The following KALRN variants were observed in gnomAD, a reference collection of about 807,000 sequenced individuals.
KALRN encodes the protein kalirin.
In KALRN, 70 loss-of-function variants were observed where a neutral mutation model predicts 353.7. The observed-to-expected ratio is 0.20, with a 90% confidence interval of 0.16 to 0.24. The LOEUF (loss-of-function observed/expected upper bound fraction) is 0.24. KALRN is among the 10% of genes least tolerant of loss of function. The pLI is 1.00. For synonymous variants in KALRN, 1,391 were observed against 1,434.8 expected (o/e 0.97, Z 0.69); for missense variants, 2,791 against 3,756.7 (o/e 0.74, Z 6.72).
chr3:124,680,058 G>A (rs1381263376), intron 51 of KALRN, among the ~76,000 whole-genome samples: 1 of 152,208 alleles, frequency 6.6e-6, no homozygotes, highest in East Asian at 1.9e-4. Context: ...AGAGCTGATA[G>A]CAAATAAGGT....
rs762012859 is a variant in KALRN at position 124,491,386 on chromosome 3, G to A, written c.4651G>A (p.Gly1551Arg). 1 of 1,610,230 alleles carries A rather than the reference G, an allele frequency of 6.2e-7. No individual in the cohort carries two copies. The highest frequency in any genetic ancestry group is 8.5e-7 in the Non-Finnish European group (1 of 1,177,964). ...TCCCTGCAAATTCGCCTTGTGGTCT[G>A]GGCGCACCCCATCCTCAGACAATAA... is the stretch of plus-strand genomic sequence containing the variant. ...GDPCKFALWSGRTPSSDNKTV... is the reference protein window; with the variant it reads ...GDPCKFALWSRRTPSSDNKTV... Residue 1551 changes from glycine to arginine, a missense_variant, in exon 31 of 60, where the codon GGG becomes AGG. Coordinates refer to ENST00000682506, the MANE Select transcript of KALRN (RefSeq NM_001388419.1).
chr3:124,433,271 G>C (rs2093346397), intron 16 of KALRN, among the ~76,000 whole-genome samples: 3 of 151,320 alleles, frequency 2.0e-5, no homozygotes, highest in Admixed American at 1.3e-4. Context: ...TAAATAAAAA[G>C]TTAATAAATA....
intron 1 of KALRN, among the ~76,000 whole-genome samples, chr3:124,150,562 A>G (rs1184963727): frequency 6.6e-6 from 1 of 152,226 alleles, no homozygotes; most frequent in Non-Finnish European, 1.5e-5. Context: ...CTCATTTTGA[A>G]GAGAATAATC....
intron 1 of KALRN, among the ~76,000 whole-genome samples, chr3:124,212,869 G>A (rs1483042376): frequency 6.6e-6 from 1 of 151,972 alleles, no homozygotes; most frequent in Admixed American, 6.6e-5. Flanking sequence ...TAATTAAGTG[G>A]ACTGCTTTTT....
At chr3:124,408,637 CT>C (rs2091842284) in intron 13 of KALRN, among the ~76,000 whole-genome samples, 1 of 152,054 alleles carries the variant, frequency 6.6e-6, no homozygotes, top group Non-Finnish European at 1.5e-5. Context: ...AAACACTGAT[CT>C]GAAGAAAGAA....
intron 1 of KALRN, among the ~76,000 whole-genome samples, chr3:124,182,129 GT>G (rs1367394382): frequency 6.6e-6 from 1 of 152,230 alleles, no homozygotes; most frequent in Non-Finnish European, 1.5e-5. Context: ...CAATAGGGCA[GT>G]AAATATTTGG....
chr3:124,496,433 TTCCTTCCC>T lies in KALRN; in HGVS notation c.4935+21_4935+28del, dbSNP rs2063856554. 1 of 1,568,932 alleles carries T rather than the reference TTCCTTCCC, an allele frequency of 6.4e-7. No individual in the cohort carries two copies. Among genetic ancestry groups the T allele is most frequent in the Non-Finnish European group, 8.8e-7 (1 of 1,139,148 alleles). On this transcript the variant is annotated intron_variant, in intron 33 of 59. Transcript: ENST00000682506. Reference sequence around the variant, plus strand: ...GACAAGGTAGGACAGAGTCCTAACCTTCCTTCCCCTGAGACTTCTTGATGGCTCAACCA... The same window carrying T: ...GACAAGGTAGGACAGAGTCCTAACCTCTGAGACTTCTTGATGGCTCAACCA...
At chr3:124,695,355 C>T (rs2062004257) in intron 53 of KALRN, among the ~76,000 whole-genome samples, 1 of 152,218 alleles carries the variant, frequency 6.6e-6, no homozygotes, top group Admixed American at 6.5e-5. Flanking sequence ...AATCAAGAAA[C>T]TTTCATTCAT....
At chr3:124,584,634 C>A in intron 34 of KALRN, 1 of 1,409,672 alleles carries the variant, frequency 7.1e-7, no homozygotes, top group Non-Finnish European at 9.2e-7. Context: ...CCCCGCCTGG[C>A]CCCTCCCCGC....
chr3:124,422,842 A>C lies in KALRN; in HGVS notation c.2573A>C (p.Asp858Ala). The stretch of plus-strand genomic sequence containing the variant: ...GAGTTGATCTGTGAAAAAGACATTG[A>C]TCTGGCAGCCCAGGTGCAAGAGTTA... ...GIELICEKDIDLAAQVQELLE... is the reference protein window; with the variant it reads ...GIELICEKDIALAAQVQELLE... The change falls in exon 15 of 60, where the codon GAT becomes GCT. Residue 858 changes from aspartate (D) to alanine (A), a missense_variant. Coordinates refer to ENST00000682506, the MANE Select transcript of KALRN (RefSeq NM_001388419.1). 8 of 1,613,884 alleles carry C rather than the reference A, an allele frequency of 5.0e-6. No homozygotes were observed. Among genetic ancestry groups the C allele is most frequent in the Non-Finnish European group, 6.8e-6 (8 of 1,179,836 alleles).
chr3:124,304,110 T>G (rs1462352688), intron 6 of KALRN, among the ~76,000 whole-genome samples: 1 of 134,364 alleles, frequency 7.4e-6, no homozygotes, highest in African/African-American at 2.9e-5. Context: ...ATGTCAGAAT[T>G]TCTAGATTTT....
chr3:124,056,416 T>C (rs1040569593), intron 1 of KALRN, among the ~76,000 whole-genome samples: 1 of 152,186 alleles, frequency 6.6e-6, no homozygotes, highest in African/African-American at 2.4e-5. Flanking sequence ...TCCTGTATGC[T>C]GCTCTCAGCT....
intron 1 of KALRN, among the ~76,000 whole-genome samples, chr3:124,088,682 A>G (rs959963330): frequency 1.3e-5 from 2 of 152,224 alleles, no homozygotes; most frequent in Non-Finnish European, 2.9e-5. Context: ...AGATGAAGAA[A>G]CTGAGATGTG....
intron 1 of KALRN, among the ~76,000 whole-genome samples, chr3:124,205,895 A>C (rs2076369742): frequency 6.6e-6 from 1 of 152,090 alleles, no homozygotes; most frequent in African/African-American, 2.4e-5. Flanking sequence ...CCCTGTGCTC[A>C]TTATTCTGTT....
chr3:124,037,907 T>C (rs1025601144), intron 1 of KALRN, among the ~76,000 whole-genome samples: 17 of 152,022 alleles, frequency 1.1e-4, no homozygotes, highest in African/African-American at 3.9e-4. Context: ...TTGTTAGCTT[T>C]GGACATGAAG....
chr3:124,617,801 T>C (rs1353859508), intron 34 of KALRN, among the ~76,000 whole-genome samples: 2 of 152,110 alleles, frequency 1.3e-5, no homozygotes, highest in Non-Finnish European at 2.9e-5. Flanking sequence ...TTTGAAAACT[T>C]TGGATTATCA....
At chr3:124,586,523 G>T (rs2075203620) in intron 34 of KALRN, among the ~76,000 whole-genome samples, 1 of 152,216 alleles carries the variant, frequency 6.6e-6, no homozygotes, top group Non-Finnish European at 1.5e-5. Flanking sequence ...TCGCTGTGAT[G>T]CAGGGGAGGG....
chr3:124,579,832 G>C (rs2074453913), intron 34 of KALRN, among the ~76,000 whole-genome samples: 1 of 152,120 alleles, frequency 6.6e-6, no homozygotes, highest in Non-Finnish European at 1.5e-5. Flanking sequence ...TATGCTCATT[G>C]CATAAACTCG....
intron 6 of KALRN, among the ~76,000 whole-genome samples, chr3:124,322,344 G>A (rs1211632910): frequency 1.3e-5 from 2 of 152,226 alleles, no homozygotes; most frequent in African/African-American, 4.8e-5. Context: ...CTGAGGCACA[G>A]AGAAGTCAAG....
Sources: gnomAD v4.1 joint callset for allele counts (sites outside exome capture counted in the v4.1 genomes callset) on GRCh38, gnomAD v4.1.1 for gene constraint, MANE v1.5 for transcripts, NCBI Gene and HGNC (gene_info 2026-07-23, HGNC 2026-07-21) for gene names.